USF3: variants seen among roughly 807,000 people sequenced by gnomAD.
USF3 encodes the protein basic helix-loop-helix domain-containing protein USF3.
In USF3, 29 loss-of-function variants were observed where a neutral mutation model predicts 157.5. The observed-to-expected ratio is 0.18, with a 90% confidence interval of 0.14 to 0.25. USF3 has a LOEUF of 0.25. Ranked by LOEUF, USF3 falls within the 10% of genes least tolerant of loss-of-function variation. The pLI, the probability that USF3 is intolerant of heterozygous loss-of-function variation, is 1.00. For synonymous variants in USF3, 893 were observed against 941.4 expected (o/e 0.95, Z 0.94); for missense variants, 2,381 against 2,667.6 (o/e 0.89, Z 2.37).
rs189672747 is a variant in USF3, at chr3:113,658,967, G to T, written c.2715C>A (p.Ala905=). The change falls in exon 7 of 7, where the codon GCC becomes GCA. Residue 905 remains alanine, a synonymous_variant. Transcript: ENST00000316407. ...GGGTAGAATCTTTGGATTTTGCTGCGGCCATTGCAAAATGTTCACTTGTTA... is the reference window on the plus strand; with the variant it reads ...GGGTAGAATCTTTGGATTTTGCTGCTGCCATTGCAAAATGTTCACTTGTTA... The part of the protein sequence containing the change: ...ESVTSEHFAM[A]AAKSKDSTPN... 1.2e-6 allele frequency: 2 copies of T among 1,614,074 alleles called. No homozygotes were observed. The highest frequency in any genetic ancestry group is 1.7e-6 in the Non-Finnish European group (2 of 1,180,016).
At position 113,658,781 on chromosome 3, in the gene USF3, A is replaced by G. The variant is rs762997835; in HGVS notation, c.2901T>C (p.Thr967=). ...CCTCAGAAACACAGTCAGTACTTGT[A>G]GTGCTTGTTGTAGATGACAAACCAG... is the stretch of plus-strand genomic sequence containing the variant. ...QVPGLSSTTS[T]TSTDCVSEVE... Residue 967 remains threonine, a synonymous_variant, in exon 7 of 7, where the codon ACT becomes ACC. Coordinates refer to ENST00000316407, the MANE Select transcript of USF3 (RefSeq NM_001009899.4). The G allele has an allele frequency of 6.2e-7, 1 of 1,614,146 alleles. No homozygotes were observed.
Position 113,655,061 on chromosome 3 carries a change from C to T in USF3, c.6621G>A (p.Met2207Ile), listed in dbSNP as rs772572163. Residue 2207 changes from methionine to isoleucine, a missense_variant, in exon 7 of 7, where the codon ATG becomes ATA. By Grantham distance (10) the Met-to-Ile change is conservative (BLOSUM62 1). Around this residue, in one of 6 missense-constraint regions of USF3, gnomAD observed 770 missense variants for 824.2 expected, o/e 0.93. Coordinates refer to ENST00000316407, the MANE Select transcript of USF3 (RefSeq NM_001009899.4). ...AATTTGCTATTGTAAGCAAAGGTGA[C>T]ATTGCTGAGCCATCAGGAAGCGCTG... The part of the protein sequence containing the change: ...IATALPDGSA[M>I]SPLLTIANSS... 8.7e-6 allele frequency: 14 copies of T among 1,614,172 alleles called. No individual in the cohort carries two copies. In the East Asian group the frequency reaches 3.1e-4, roughly 36 times the overall value.
Position 113,664,398 on chromosome 3 carries a change from C to A in USF3, c.171G>T (p.Met57Ile). Residue 57 changes from methionine (M) to isoleucine (I), a missense_variant, in exon 6 of 7, where the codon ATG (methionine) becomes ATT (isoleucine). By Grantham distance (10) the Met-to-Ile change is conservative (BLOSUM62 1). Transcript: ENST00000316407. ...TATATTTAAAGGCTTGGTCCAGGAT[C>A]ATATTCTTGCTCTGTCCAAGAAAAT... ...CSPALKQSKN[M>I]ILDQAFKYIT... 6.3e-7 allele frequency: 1 copy of A among 1,599,594 alleles called. No individual in the cohort carries two copies. The highest frequency in any genetic ancestry group is 8.5e-7 in the Non-Finnish European group (1 of 1,171,232).
rs910074568 is a variant in USF3 at position 113,659,280 on chromosome 3, C to T, written c.2402G>A (p.Gly801Asp). 6.2e-7 allele frequency: 1 copy of T among 1,614,062 alleles called. No individual in the cohort carries two copies. The highest frequency in any genetic ancestry group is 8.5e-7 in the Non-Finnish European group (1 of 1,180,034). The change falls in exon 7 of 7, where the codon GGC becomes GAC. Residue 801 changes from glycine to aspartate, a missense_variant. Physicochemically the swap from Gly to Asp is moderately conservative, Grantham distance 94. This residue lies in a region of USF3 where 1,435 missense variants were observed against 1,550.9 expected (regional missense o/e 0.93). Transcript: ENST00000316407. ...CTTGTTTGCTGCTAAGTGTTTCCTG[C>T]CACCTGGCTTCTTATTCAACCTTTT... ...KSKRLNKKPGGRKHLAANKSA... is the reference protein window; with the variant it reads ...KSKRLNKKPGDRKHLAANKSA...
Position 113,649,734 on chromosome 3 carries a change from G to T in USF3, c.*5210C>A. The T allele has an allele frequency of 1.5e-6, 1 of 689,336 alleles. No homozygotes were observed. Among genetic ancestry groups the T allele is most frequent in the Non-Finnish European group, 2.6e-6 (1 of 379,852 alleles). The allele number at this position is 689,336 out of a possible 1,614,324, so 42.7% of individuals were successfully genotyped here. ...AGGTAAAGTGCAGGAACAGGGTAGA[G>T]GCTACAGGTGGAAAGATCTAGAAGC... is the stretch of plus-strand genomic sequence containing the variant. On this transcript the variant is annotated 3_prime_UTR_variant, in exon 7 of 7. Transcript: ENST00000316407.
intron 4 of USF3, among the ~76,000 whole-genome samples, chr3:113,671,978 C>T (rs1227493675): frequency 6.6e-6 from 1 of 151,494 alleles, no homozygotes; most frequent in East Asian, 1.9e-4. Context: ...CCTATGTTGC[C>T]CACGCTGGTT....
chr3:113,654,941 T>C lies in USF3; in HGVS notation c.*3A>G, dbSNP rs2107914620. ...ATTACCTTTACATTTTGTTTATCAG[T>C]ATTTAAACAGCTGAACTGCAATCAT... is the stretch of plus-strand genomic sequence containing the variant. On this transcript the variant is annotated 3_prime_UTR_variant, in exon 7 of 7. Coordinates refer to ENST00000316407, the MANE Select transcript of USF3 (RefSeq NM_001009899.4). 2.5e-6 allele frequency: 4 copies of C among 1,604,602 alleles called. No individual in the cohort carries two copies. The highest frequency in any genetic ancestry group is 3.4e-6 in the Non-Finnish European group (4 of 1,174,484).
In USF3 at chr3:113,649,920, T is replaced by C. The variant is rs1947231964; in HGVS notation, c.*5024A>G. 1 of 694,014 alleles carries C rather than the reference T, an allele frequency of 1.4e-6. No homozygotes were observed. Among genetic ancestry groups the C allele is most frequent in the Admixed American group, 2.1e-5 (1 of 47,858 alleles). 43.0% of individuals were successfully genotyped at this position (694,014 alleles called of 1,614,324 possible). On this transcript the variant is annotated 3_prime_UTR_variant, in exon 7 of 7. Coordinates refer to ENST00000316407, the MANE Select transcript of USF3 (RefSeq NM_001009899.4). ...AAAAAGGCCCTTTTCTTTCAAACCC[T>C]GGGGAAAGAAAAATGGTAATGTTCA...
rs1947254918 is a variant in USF3 at position 113,651,166 on chromosome 3, C to G, written c.*3778G>C. ...GGAATCAACCACTTTTTATAACGGA[C>G]TCTGTGATCAATAATGCTAAAAAAG... On this transcript the variant is annotated 3_prime_UTR_variant, in exon 7 of 7. Coordinates refer to ENST00000316407, the MANE Select transcript of USF3 (RefSeq NM_001009899.4). The G allele has an allele frequency of 6.6e-6, 1 of 152,128 alleles. No homozygotes were observed. The highest frequency in any genetic ancestry group is 2.4e-5 in the African/African-American group (1 of 41,404). The allele number at this position is 152,128 out of a possible 1,614,324, so 9.4% of individuals were successfully genotyped here.
chr3:113,692,229 T>G (rs556499881), intron 1 of USF3, among the ~76,000 whole-genome samples: 10 of 152,272 alleles, frequency 6.6e-5, no homozygotes, highest in Admixed American at 2.6e-4. Flanking sequence ...ATACCCTTCT[T>G]CATACTCCCA....
chr3:113,678,322 G>A (rs1195112104), intron 1 of USF3, among the ~76,000 whole-genome samples: 3 of 151,986 alleles, frequency 2.0e-5, no homozygotes, highest in African/African-American at 7.2e-5. Flanking sequence ...AGTTCTAGTT[G>A]TCTAAACATC....
At chr3:113,685,707 C>T (rs1470664151) in intron 1 of USF3, among the ~76,000 whole-genome samples, 2 of 152,120 alleles carry the variant, frequency 1.3e-5, no homozygotes, top group East Asian at 3.9e-4. Flanking sequence ...TACTGCCTGG[C>T]TACTGCTGAT....
In USF3 at chr3:113,652,891, A is replaced by T; in HGVS notation, c.*2053T>A. 1 of 388,580 alleles carries T rather than the reference A, an allele frequency of 2.6e-6. No individual in the cohort carries two copies. Among genetic ancestry groups the T allele is most frequent in the South Asian group, 2.7e-5 (1 of 37,154 alleles). The allele number at this position is 388,580 out of a possible 1,614,324, so 24.1% of individuals were successfully genotyped here. On this transcript the variant is annotated 3_prime_UTR_variant, in exon 7 of 7. Coordinates refer to ENST00000316407, the MANE Select transcript of USF3 (RefSeq NM_001009899.4). Reference sequence around the variant, plus strand: ...GAATTTGCTTGAACCCAGGAGGCAGAGGCTGCAGTGAGCCAAGATCCTGCC... The same window carrying T: ...GAATTTGCTTGAACCCAGGAGGCAGTGGCTGCAGTGAGCCAAGATCCTGCC...
rs1182827252 is a variant in USF3 at position 113,651,481 on chromosome 3, G to T, written c.*3463C>A. The stretch of plus-strand genomic sequence containing the variant: ...CTAAGGAAAAGACCAGCTTCCCTGA[G>T]CCCTATTTCACATGGAGCAGGCCAA... On this transcript the variant is annotated 3_prime_UTR_variant, in exon 7 of 7. Coordinates refer to ENST00000316407, the MANE Select transcript of USF3 (RefSeq NM_001009899.4). 1 of 152,150 alleles carries T rather than the reference G, an allele frequency of 6.6e-6. No individual in the cohort carries two copies. Among genetic ancestry groups the T allele is most frequent in the East Asian group, 1.9e-4 (1 of 5,194 alleles). The allele number at this position is 152,150 out of a possible 1,614,324, so 9.4% of individuals were successfully genotyped here.
At position 113,650,135 on chromosome 3, in the gene USF3, T is replaced by A; in HGVS notation, c.*4809A>T. ...GTAGCATTTATATAGACAACAAAAT[T>A]ACAAAAATGGCTTCCAGGCTCCTAA... On this transcript the variant is annotated 3_prime_UTR_variant, in exon 7 of 7. Transcript: ENST00000316407. 2 of 435,334 alleles carry A rather than the reference T, an allele frequency of 4.6e-6. No individual in the cohort carries two copies. The highest frequency in any genetic ancestry group is 2.0e-5 in the African/African-American group (1 of 49,636). The allele number at this position is 435,334 out of a possible 1,614,324, so 27.0% of individuals were successfully genotyped here.
In USF3 at chr3:113,655,539, G is replaced by C. The variant is rs374781281; in HGVS notation, c.6143C>G (p.Pro2048Arg). ...VRFMPDSPQV[P>R]NDNSGPDQHT... ...CTGGTCAGGACCTGAATTATCATTA[G>C]GTACTTGTGGGCTATCAGGCATGAA... Residue 2048 changes from proline (P) to arginine (R), a missense_variant, in exon 7 of 7, where the codon CCT (proline) becomes CGT (arginine). Pro to Arg is a moderately radical substitution (Grantham distance 103). Transcript: ENST00000316407. 3.5e-5 allele frequency: 57 copies of C among 1,614,012 alleles called. No homozygotes were observed. Among genetic ancestry groups the C allele is most frequent in the Non-Finnish European group, 4.7e-5 (55 of 1,179,998 alleles).
In USF3 at chr3:113,656,649, G is replaced by A. The variant is rs1464787859; in HGVS notation, c.5033C>T (p.Ser1678Phe). 6.2e-7 allele frequency: 1 copy of A among 1,614,096 alleles called. No individual in the cohort carries two copies. Among genetic ancestry groups the A allele is most frequent in the Non-Finnish European group, 8.5e-7 (1 of 1,180,044 alleles). Residue 1678 changes from serine (S) to phenylalanine (F), a missense_variant, in exon 7 of 7, where the codon TCT (serine) becomes TTT (phenylalanine). Coordinates refer to ENST00000316407, the MANE Select transcript of USF3 (RefSeq NM_001009899.4). The stretch of plus-strand genomic sequence containing the variant: ...CCCCATTCTCTGCTCTGAATTAGAA[G>A]ATGTCTTTCCAATGAGTGCCTCAGC... ...YSAEALIGKT[S>F]SNSEQRMGIS...
At position 113,665,562 on chromosome 3, in the gene USF3, C is replaced by G. The variant is rs542870700; in HGVS notation, c.160-1153G>C. 1.5e-3 allele frequency among the ~76,000 whole-genome samples: 224 copies of G among 152,320 alleles called. 1 individual carries two copies. Among genetic ancestry groups the G allele is most frequent in the Non-Finnish European group, 2.4e-3 (160 of 68,028 alleles). ...TCAGACAAGGCCAGGCGCAGTGGCTCATGCCTATAATCCCAGCACTTTGGG... is the reference window on the plus strand; with the variant it reads ...TCAGACAAGGCCAGGCGCAGTGGCTGATGCCTATAATCCCAGCACTTTGGG... On this transcript the variant is annotated intron_variant, in intron 5 of 6. Coordinates refer to ENST00000316407, the MANE Select transcript of USF3 (RefSeq NM_001009899.4).
Position 113,659,606 on chromosome 3 carries a change from T to C in USF3, c.2076A>G (p.Gln692=). The C allele has an allele frequency of 6.2e-7, 1 of 1,614,044 alleles. No homozygotes were observed. The highest frequency in any genetic ancestry group is 8.5e-7 in the Non-Finnish European group (1 of 1,179,922). ...TTNQTPMQII[Q]PTTSEDPNTN... ...TATTTGGATCTTCGCTGGTGGTGGG[T>C]TGAATAATTTGCATAGGGGTTTGAT... The change falls in exon 7 of 7, where the codon CAA becomes CAG. Residue 692 remains glutamine (Q), a synonymous_variant. Transcript: ENST00000316407.
Sources: gnomAD v4.1 joint callset for allele counts (sites outside exome capture counted in the v4.1 genomes callset) on GRCh38, gnomAD v4.1.1 for gene constraint, gnomAD v4.1.1 regional missense constraint, MANE v1.5 for transcripts, NCBI Gene and HGNC (gene_info 2026-07-23, HGNC 2026-07-21) for gene names.